ANKS1B: variants seen among roughly 807,000 people sequenced by gnomAD.
ANKS1B encodes the protein ankyrin repeat and sterile alpha motif domain-containing protein 1B.
Under a neutral mutation model 148.3 loss-of-function variants are expected in ANKS1B, and 36 were observed. The ratio of observed to expected loss-of-function variants is 0.24; its 90% CI spans 0.19 to 0.32. ANKS1B has a LOEUF of 0.32. Among genes scored for constraint, ANKS1B ranks in the 10% least tolerant of loss-of-function variants. The pLI is 1.00. For missense variants in ANKS1B, 1,157 were observed against 1,542.6 expected (o/e 0.75, Z 4.19); for synonymous variants, 542 against 560.8 (o/e 0.97, Z 0.47).
At chr12:99,540,837 A>C (rs1266602306) in intron 9 of ANKS1B, among the ~76,000 whole-genome samples, 1 of 152,112 alleles carries the variant, frequency 6.6e-6, no homozygotes, top group Admixed American at 6.5e-5. Flanking sequence ...AGAAATTCAA[A>C]GAAATGTAAG....
At position 99,909,215 on chromosome 12, in the gene ANKS1B, A is replaced by G. The variant is rs550520847; in HGVS notation, c.134+74889T>C. On this transcript the variant is annotated intron_variant, in intron 1 of 26. Coordinates refer to ENST00000683438, the MANE Select transcript of ANKS1B (RefSeq NM_001352186.2). ...CTTTTTTAAGGCTGGACAATATTCCATCGTGTGTGTGTGTGTGTGTGTGTG... is the reference window on the plus strand; with the variant it reads ...CTTTTTTAAGGCTGGACAATATTCCGTCGTGTGTGTGTGTGTGTGTGTGTG... 6.5e-4 allele frequency among the ~76,000 whole-genome samples: 79 copies of G among 121,738 alleles called. 1 individual carries two copies. Among genetic ancestry groups the G allele is most frequent in the Admixed American group, 2.0e-3 (22 of 11,172 alleles). The allele number at this position is 121,738 out of a possible 152,430, so 79.9% of individuals were successfully genotyped here.
rs1365399723 is a variant in ANKS1B, at chr12:99,605,090, CT to C, written c.1272+49976del. 2.0e-5 allele frequency among the ~76,000 whole-genome samples: 3 copies of C among 151,908 alleles called. No homozygotes were observed. The East Asian group carries it at 5.8e-4, about 29-fold the overall frequency. On this transcript the variant is annotated intron_variant, in intron 9 of 26. Transcript: ENST00000683438. ...TTTTAACAGGGAAGACCAAATTGTA[CT>C]TTTGCTTCAGTGTACTCTTAACACT...
At position 98,765,838 on chromosome 12, in the gene ANKS1B, C is replaced by A. The variant is rs145252077; in HGVS notation, c.3579+7204G>T. Reference sequence around the variant, plus strand: ...CTGGGACTCTTGACCTTAGGTGATCCGCCTGCCTTGGTTTCCCAAATGCTG... The same window carrying A: ...CTGGGACTCTTGACCTTAGGTGATCAGCCTGCCTTGGTTTCCCAAATGCTG... On this transcript the variant is annotated intron_variant, in intron 25 of 26. Transcript: ENST00000683438. 6.0e-3 allele frequency among the ~76,000 whole-genome samples: 906 copies of A among 152,214 alleles called. 12 individuals carry two copies. Among genetic ancestry groups the A allele is most frequent in the South Asian group, 0.028 (137 of 4,814 alleles).
chr12:99,883,276 A>G lies in ANKS1B; in HGVS notation c.135-57887T>C, dbSNP rs764819904. On this transcript the variant is annotated intron_variant, in intron 1 of 26. Coordinates refer to ENST00000683438, the MANE Select transcript of ANKS1B (RefSeq NM_001352186.2). Reference sequence around the variant, plus strand: ...TTTGACGAAGGTACAAAGGCAATTCAATGGAGATATGATAGTTTTTTCCAT... The same window carrying G: ...TTTGACGAAGGTACAAAGGCAATTCGATGGAGATATGATAGTTTTTTCCAT... 2.4e-3 allele frequency among the ~76,000 whole-genome samples: 372 copies of G among 152,302 alleles called. 1 individual carries two copies. The highest frequency in any genetic ancestry group is 4.0e-3 in the Non-Finnish European group (272 of 68,012).
At chr12:99,490,869 T>C (rs2096548064) in intron 10 of ANKS1B, among the ~76,000 whole-genome samples, 1 of 152,156 alleles carries the variant, frequency 6.6e-6, no homozygotes, top group Non-Finnish European at 1.5e-5. Flanking sequence ...GTCTAGAAAA[T>C]GCAGGTAAGG....
At chr12:99,539,395 T>C (rs1270742056) in intron 9 of ANKS1B, among the ~76,000 whole-genome samples, 2 of 152,104 alleles carry the variant, frequency 1.3e-5, no homozygotes, top group African/African-American at 2.4e-5. Flanking sequence ...TTGTATATTA[T>C]TGAAACAAAC....
chr12:99,299,570 T>C (rs1361720521), intron 12 of ANKS1B, among the ~76,000 whole-genome samples: 1 of 152,234 alleles, frequency 6.6e-6, no homozygotes, highest in African/African-American at 2.4e-5. Flanking sequence ...CCTAAGCTTC[T>C]ATCCTGTTGC....
intron 12 of ANKS1B, among the ~76,000 whole-genome samples, chr12:99,350,506 G>T (rs928402055): frequency 6.6e-6 from 1 of 152,098 alleles, no homozygotes; most frequent in Non-Finnish European, 1.5e-5. Context: ...AGACATCCCA[G>T]TTCTGAGGCA....
intron 10 of ANKS1B, among the ~76,000 whole-genome samples, chr12:99,484,314 C>T (rs117438703): frequency 6.6e-6 from 1 of 151,656 alleles, no homozygotes; most frequent in Non-Finnish European, 1.5e-5. Context: ...TTGAGGGTTC[C>T]TTTTTGAGTT....
chr12:98,955,277 G>C (rs2099860344), intron 17 of ANKS1B, among the ~76,000 whole-genome samples: 1 of 152,160 alleles, frequency 6.6e-6, no homozygotes, highest in African/African-American at 2.4e-5. Flanking sequence ...GAAAAGACTT[G>C]AAGGAGGTAA....
chr12:99,098,619 C>CTTTTTTTTTTTTTTTTTTT (rs71081896), intron 15 of ANKS1B, among the ~76,000 whole-genome samples: 1 of 32,120 alleles, frequency 3.1e-5, no homozygotes, highest in African/African-American at 1.1e-4. Flanking sequence ...CTAGGAACTA[C>CTTTTTTTTTTTTTTTTTTT]TTTTTTTTTT....
chr12:99,902,680 T>C (rs2093639274), intron 1 of ANKS1B, among the ~76,000 whole-genome samples: 1 of 151,932 alleles, frequency 6.6e-6, no homozygotes, highest in Admixed American at 6.6e-5. Flanking sequence ...CTACAAAGAT[T>C]AGGCAAAAGT....
intron 17 of ANKS1B, among the ~76,000 whole-genome samples, chr12:99,039,056 GA>G (rs1246693135): frequency 3.3e-5 from 5 of 152,222 alleles, no homozygotes; most frequent in Non-Finnish European, 5.9e-5. Flanking sequence ...CTAGAGACTA[GA>G]ACAGTGCTTG....
intron 14 of ANKS1B, among the ~76,000 whole-genome samples, chr12:99,166,652 G>C (rs958306337): frequency 3.9e-5 from 6 of 151,942 alleles, no homozygotes; most frequent in African/African-American, 1.2e-4. Context: ...TAATGAATTG[G>C]CACAGTCAAC....
At chr12:99,800,407 T>G (rs2066793599) in intron 4 of ANKS1B, among the ~76,000 whole-genome samples, 1 of 149,578 alleles carries the variant, frequency 6.7e-6, no homozygotes, top group Admixed American at 6.7e-5. Context: ...CTATAATATT[T>G]TGCTGTGGCA....
intron 8 of ANKS1B, among the ~76,000 whole-genome samples, chr12:99,744,071 A>G (rs566633780): frequency 6.6e-6 from 1 of 152,304 alleles, no homozygotes; most frequent in Admixed American, 6.5e-5. Flanking sequence ...TTGAGCATCC[A>G]TGGATTTCAG....
At chr12:98,934,931 G>A (rs2099817075) in intron 17 of ANKS1B, among the ~76,000 whole-genome samples, 1 of 151,742 alleles carries the variant, frequency 6.6e-6, no homozygotes, top group Non-Finnish European at 1.5e-5. Flanking sequence ...CAAACAATGT[G>A]GACAATTTCA....
chr12:99,788,610 T>C (rs2065259563), intron 4 of ANKS1B, among the ~76,000 whole-genome samples: 1 of 152,106 alleles, frequency 6.6e-6, no homozygotes, highest in South Asian at 2.1e-4. Context: ...GGCCTTTGCC[T>C]TGCACCTAAG....
At chr12:98,977,132 A>T (rs938168810) in intron 17 of ANKS1B, among the ~76,000 whole-genome samples, 2 of 152,256 alleles carry the variant, frequency 1.3e-5, no homozygotes, top group Non-Finnish European at 2.9e-5. Context: ...TATTCATAGT[A>T]TGTATTCACG....
Sources: allele counts gnomAD v4.1 joint callset (sites outside exome capture counted in the v4.1 genomes callset), GRCh38; gene constraint gnomAD v4.1.1; transcripts MANE v1.5; gene names NCBI Gene and HGNC (gene_info 2026-07-23, HGNC 2026-07-21).